MLIP: variants seen among roughly 807,000 people sequenced by gnomAD.
MLIP encodes the protein muscular LMNA-interacting protein.
Under a neutral mutation model 84.8 loss-of-function variants are expected in MLIP, and 79 were observed. The observed-to-expected ratio is 0.93, with a 90% CI of 0.78 to 1.12. The LOEUF (loss-of-function observed/expected upper bound fraction) is 1.12. Ranked by LOEUF, MLIP falls within the 50% of genes most tolerant of loss-of-function variation. MLIP has a pLI of 0.00. For synonymous variants in MLIP, 504 were observed against 463.0 expected (o/e 1.09, Z -1.14); for missense variants, 1,257 against 1,160.6 (o/e 1.08, Z -1.21).
intron 12 of MLIP, among the ~76,000 whole-genome samples, chr6:54,242,117 C>T (rs58420646): frequency 0.031 from 4,725 of 152,182 alleles, 223 homozygotes; most frequent in African/African-American, 0.11. Context: ...GTTTTCATGG[C>T]GGTCTGATGT....
chr6:54,049,001 T>C (rs1266640034), intron 1 of MLIP, among the ~76,000 whole-genome samples: 1 of 152,194 alleles, frequency 6.6e-6, no homozygotes, highest in African/African-American at 2.4e-5. Context: ...TCCTGGGTCA[T>C]CTGGCTACTT....
At chr6:54,249,673 T>G (rs541708946) in intron 12 of MLIP, among the ~76,000 whole-genome samples, 1 of 151,468 alleles carries the variant, frequency 6.6e-6, no homozygotes, top group South Asian at 2.1e-4. Flanking sequence ...TCAAGCAGCT[T>G]GCAGTCTTTT....
chr6:54,092,928 G>A (rs1023275142), intron 1 of MLIP, among the ~76,000 whole-genome samples: 1 of 152,024 alleles, frequency 6.6e-6, no homozygotes, highest in Non-Finnish European at 1.5e-5. Context: ...GGCTGGAGTG[G>A]TGCAGTGGCA....
chr6:54,228,213 A>AAAAAAAG (rs1562082666), intron 11 of MLIP, among the ~76,000 whole-genome samples: 1 of 116,646 alleles, frequency 8.6e-6, no homozygotes, highest in Non-Finnish European at 1.7e-5. Context: ...AAAAAAAAAA[A>AAAAAAAG]AGAGAAAGAA....
intron 9 of MLIP, among the ~76,000 whole-genome samples, chr6:54,179,393 A>G (rs1304704486): frequency 1.9e-4 from 29 of 152,138 alleles, no homozygotes; most frequent in Non-Finnish European, 4.0e-4. Context: ...GTTCTCACAC[A>G]TTGAATGATA....
chr6:54,091,253 GTGT>G (rs1767855787), intron 1 of MLIP, among the ~76,000 whole-genome samples: 2 of 152,112 alleles, frequency 1.3e-5, no homozygotes, highest in African/African-American at 2.4e-5. Flanking sequence ...TTCCTATAGT[GTGT>G]TGTTATACAT....
chr6:54,252,488 CAT>C (rs1298766375), intron 12 of MLIP, among the ~76,000 whole-genome samples: 5 of 133,914 alleles, frequency 3.7e-5, no homozygotes, highest in African/African-American at 5.6e-5. Flanking sequence ...TATATTATAA[CAT>C]AATATAAATA....
At chr6:54,031,098 A>T (rs1764106108) in intron 1 of MLIP, among the ~76,000 whole-genome samples, 1 of 152,162 alleles carries the variant, frequency 6.6e-6, no homozygotes, top group Admixed American at 6.5e-5. Flanking sequence ...CAGTGAATAT[A>T]TTTGTGCAGC....
intron 3 of MLIP, among the ~76,000 whole-genome samples, chr6:54,133,286 G>T (rs977466104): frequency 2.0e-5 from 3 of 152,158 alleles, no homozygotes; most frequent in South Asian, 4.1e-4. Context: ...CACCAGAAAA[G>T]ATTATTTAAT....
chr6:54,112,974 A>G (rs1769595958), intron 1 of MLIP, among the ~76,000 whole-genome samples: 1 of 152,202 alleles, frequency 6.6e-6, no homozygotes, highest in Admixed American at 6.5e-5. Flanking sequence ...TGTATCTTAG[A>G]TACTTAAGTA....
intron 4 of MLIP, among the ~76,000 whole-genome samples, chr6:54,143,176 C>T (rs1772469448): frequency 6.6e-6 from 1 of 151,158 alleles, no homozygotes; most frequent in African/African-American, 2.4e-5. Flanking sequence ...TTGACAAAAG[C>T]TTGTCTTCCT....
chr6:54,082,757 C>T (rs1767243862), intron 1 of MLIP, among the ~76,000 whole-genome samples: 1 of 4,318 alleles, frequency 2.3e-4, no homozygotes, highest in Non-Finnish European at 2.1e-3. Context: ...GAATATCTTT[C>T]ATTTTTTTTT....
At chr6:54,023,040 A>G (rs1293547438) in intron 1 of MLIP, among the ~76,000 whole-genome samples, 9 of 151,868 alleles carry the variant, frequency 5.9e-5, no homozygotes, top group South Asian at 2.1e-4. Context: ...GGTGGCAGGC[A>G]CCTGTAGTCC....
intron 1 of MLIP, among the ~76,000 whole-genome samples, chr6:54,071,865 G>T (rs1766505018): frequency 6.6e-6 from 1 of 152,160 alleles, no homozygotes; most frequent in South Asian, 2.1e-4. Context: ...CATGAAGTCA[G>T]CTTGCTCTCT....
chr6:54,249,734 C>CACACACACACATAT (rs145607176), intron 12 of MLIP, among the ~76,000 whole-genome samples: 63 of 127,706 alleles, frequency 4.9e-4, no homozygotes, highest in African/African-American at 1.7e-3. Flanking sequence ...CACACACACA[C>CACACACACACATAT]ATATATATAT....
At chr6:54,211,438 C>A (rs1343190257) in intron 11 of MLIP, among the ~76,000 whole-genome samples, 1 of 151,528 alleles carries the variant, frequency 6.6e-6, no homozygotes, top group Admixed American at 6.6e-5. Context: ...GCTAGTTTAA[C>A]CTTCCCATGT....
intron 1 of MLIP, among the ~76,000 whole-genome samples, chr6:54,100,296 C>A (rs1768546546): frequency 2.6e-5 from 1 of 38,096 alleles, no homozygotes; most frequent in Non-Finnish European, 5.3e-5. Context: ...TTGATAAGTA[C>A]ATAAAGTGCT....
chr6:54,070,587 T>C (rs945530755), intron 1 of MLIP, among the ~76,000 whole-genome samples: 1 of 152,188 alleles, frequency 6.6e-6, no homozygotes, highest in Non-Finnish European at 1.5e-5. Flanking sequence ...GGTAAATTGG[T>C]ATCCTGGGAT....
chr6:54,087,151 A>G (rs566581823), intron 1 of MLIP, among the ~76,000 whole-genome samples: 2 of 152,314 alleles, frequency 1.3e-5, no homozygotes, highest in Admixed American at 1.3e-4. Flanking sequence ...GAGTAAATGA[A>G]TATTATGATA....
Sources: gnomAD v4.1 joint callset for allele counts (sites outside exome capture counted in the v4.1 genomes callset) on GRCh38, gnomAD v4.1.1 for gene constraint, MANE v1.5 for transcripts, NCBI Gene and HGNC (gene_info 2026-07-23, HGNC 2026-07-21) for gene names.